PPFIA2: variants seen among roughly 807,000 people sequenced by gnomAD.
PPFIA2 encodes PPFI scaffold protein A2.
PPFIA2 carries 46 observed loss-of-function variants against 175.5 expected under a neutral mutation model. The ratio of observed to expected loss-of-function variants is 0.26; its 90% CI spans 0.21 to 0.34. PPFIA2 has a LOEUF of 0.34. PPFIA2 is among the 10% of genes least tolerant of loss of function. The pLI is 1.00. For synonymous variants in PPFIA2, 568 were observed against 511.4 expected (o/e 1.11, Z -1.49); for missense variants, 1,179 against 1,506.1 (o/e 0.78, Z 3.60).
rs745858903 is a variant in PPFIA2 at position 81,368,718 on chromosome 12, G to A, written c.1482+7C>T. ...ATTCATGTGATTTTACCCTTCTATC[G>A]TTTTACCTTTTCTTCTAGAGCAGCC... On this transcript the variant is annotated splice_region_variant and intron_variant, in intron 13 of 32. Coordinates refer to ENST00000549396, the MANE Select transcript of PPFIA2 (RefSeq NM_003625.5). 2.7e-5 allele frequency: 44 copies of A among 1,603,358 alleles called. No homozygotes were observed. Among genetic ancestry groups the A allele is most frequent in the African/African-American group, 1.3e-4 (10 of 74,206 alleles).
intron 6 of PPFIA2, among the ~76,000 whole-genome samples, chr12:81,443,845 CTTTTTTTTTTTTT>C (rs1183160145): frequency 1.4e-5 from 1 of 71,164 alleles, no homozygotes; most frequent in Non-Finnish European, 2.7e-5. Context: ...GCCAACCTTT[CTTTTTTTTTTTTT>C]TTTTTTTTTT....
intron 4 of PPFIA2, among the ~76,000 whole-genome samples, chr12:81,478,397 C>T (rs755193982): frequency 4.0e-5 from 6 of 151,838 alleles, no homozygotes; most frequent in Non-Finnish European, 7.4e-5. Flanking sequence ...AAGGATTTTA[C>T]GTCTCTATCC....
chr12:81,385,584 T>A (rs2038748617), intron 8 of PPFIA2, among the ~76,000 whole-genome samples: 1 of 152,144 alleles, frequency 6.6e-6, no homozygotes, highest in South Asian at 2.1e-4. Flanking sequence ...GAGGACATTA[T>A]TCTAAGTGAA....
chr12:81,275,413 A>C (rs996372325), intron 28 of PPFIA2, among the ~76,000 whole-genome samples: 1 of 152,266 alleles, frequency 6.6e-6, no homozygotes, highest in African/African-American at 2.4e-5. Context: ...CCGTTCCATT[A>C]GAACTAATGT....
chr12:81,644,209 T>C (rs1377933551), intron 4 of PPFIA2, among the ~76,000 whole-genome samples: 8 of 152,048 alleles, frequency 5.3e-5, no homozygotes, highest in Non-Finnish European at 2.9e-5. Flanking sequence ...AGATAATCTA[T>C]ACCTCAGTAT....
chr12:81,742,556 T>C (rs2082453391), intron 3 of PPFIA2, among the ~76,000 whole-genome samples: 1 of 152,188 alleles, frequency 6.6e-6, no homozygotes, highest in Non-Finnish European at 1.5e-5. Flanking sequence ...AAAGACTAAG[T>C]GAAGATCATG....
At chr12:81,572,902 T>G (rs2072828667) in intron 4 of PPFIA2, among the ~76,000 whole-genome samples, 1 of 151,920 alleles carries the variant, frequency 6.6e-6, no homozygotes, top group South Asian at 2.1e-4. Context: ...ATGGATCAAC[T>G]TGAAGGAGCT....
chr12:81,592,644 T>C (rs2058801479), intron 4 of PPFIA2, among the ~76,000 whole-genome samples: 2 of 152,148 alleles, frequency 1.3e-5, no homozygotes, highest in Admixed American at 6.6e-5. Flanking sequence ...ACTTAAGACA[T>C]GACTTGCTCC....
At chr12:81,670,930 C>T (rs1051771751) in intron 4 of PPFIA2, among the ~76,000 whole-genome samples, 1 of 151,874 alleles carries the variant, frequency 6.6e-6, no homozygotes, top group Non-Finnish European at 1.5e-5. Flanking sequence ...GCTTTTCTTT[C>T]TCAGGCTTTA....
At chr12:81,317,219 A>G (rs1307492207) in intron 22 of PPFIA2, among the ~76,000 whole-genome samples, 1 of 151,622 alleles carries the variant, frequency 6.6e-6, no homozygotes, top group Non-Finnish European at 1.5e-5. Flanking sequence ...AATAGATATT[A>G]GGTATATCAA....
intron 17 of PPFIA2, among the ~76,000 whole-genome samples, chr12:81,348,853 C>CTGTG (rs2059532264): frequency 6.6e-6 from 1 of 152,158 alleles, no homozygotes; most frequent in Non-Finnish European, 1.5e-5. Context: ...TATAATGAAA[C>CTGTG]TGTGTACCAG....
At chr12:81,298,224 C>T (rs2046972121) in intron 23 of PPFIA2, 1 of 152,116 alleles carries the variant, frequency 6.6e-6, no homozygotes, top group Non-Finnish European at 1.5e-5. Flanking sequence ...ATTTTAAAGA[C>T]ACGGTTGAAA....
intron 4 of PPFIA2, among the ~76,000 whole-genome samples, chr12:81,534,437 T>C (rs535951757): frequency 1.1e-4 from 17 of 151,766 alleles, no homozygotes; most frequent in Admixed American, 1.1e-3. Context: ...TAACAAAATA[T>C]CACAGGTACT....
intron 7 of PPFIA2, among the ~76,000 whole-genome samples, chr12:81,421,609 A>C (rs1304100336): frequency 1.3e-5 from 2 of 152,092 alleles, no homozygotes; most frequent in Non-Finnish European, 2.9e-5. Context: ...AGAAGACAGT[A>C]AGAGAGCAGA....
chr12:81,367,083 C>T, intron 14 of PPFIA2, 25 bp downstream of exon 14: 1 of 1,451,682 alleles, frequency 6.9e-7, no homozygotes. Context: ...AGAAAATGGG[C>T]CCAAAACATA....
In PPFIA2 at chr12:81,358,191, A is replaced by C; in HGVS notation, c.1664T>G (p.Leu555Trp). Residue 555 changes from leucine to tryptophan, a missense_variant, in exon 16 of 33, where the codon TTG becomes TGG. Transcript: ENST00000549396. ...CACTAGGGATCCCACTGAGTACCGC[A>C]ACTCAGCTGAGGTGTCTAGATGAGT... The part of the protein sequence containing the change: ...PRTHLDTSAE[L>W]RYSVGSLVDS... 6.3e-7 allele frequency: 1 copy of C among 1,592,108 alleles called. No individual in the cohort carries two copies. Among genetic ancestry groups the C allele is most frequent in the East Asian group, 2.3e-5 (1 of 43,878 alleles).
intron 14 of PPFIA2, among the ~76,000 whole-genome samples, chr12:81,366,190 T>C (rs2033362519): frequency 6.6e-6 from 1 of 150,692 alleles, no homozygotes; most frequent in Non-Finnish European, 1.5e-5. Flanking sequence ...AAGTTAGCAA[T>C]CCTTTCTTCT....
At chr12:81,296,640 C>A (rs1265339890) in intron 23 of PPFIA2, 1 of 151,826 alleles carries the variant, frequency 6.6e-6, no homozygotes, top group East Asian at 1.9e-4. Flanking sequence ...ACAGATTGAA[C>A]AAAGGAGAGA....
chr12:81,722,418 T>G (rs563764117), intron 3 of PPFIA2, among the ~76,000 whole-genome samples: 4 of 151,290 alleles, frequency 2.6e-5, no homozygotes, highest in African/African-American at 9.7e-5. Flanking sequence ...TTATTACTAG[T>G]ATCTTATCCC....
Sources: gnomAD v4.1 joint callset for allele counts (sites outside exome capture counted in the v4.1 genomes callset) on GRCh38, gnomAD v4.1.1 for gene constraint, MANE v1.5 for transcripts, NCBI Gene and HGNC (gene_info 2026-07-23, HGNC 2026-07-21) for gene names.